Variants in MYOF observed in about 807,000 individuals in gnomAD.
The protein encoded by MYOF is myoferlin.
A neutral mutation model predicts 284.2 loss-of-function variants in MYOF; 244 were observed. The observed-to-expected ratio is 0.86, with a 90% CI of 0.77 to 0.95. The LOEUF (loss-of-function observed/expected upper bound fraction) is 0.95. MYOF is among the 40% of genes least tolerant of loss of function. The pLI, the probability that MYOF is intolerant of heterozygous loss-of-function variation, is 0.00. For missense variants in MYOF, 2,496 were observed against 2,560.6 expected (o/e 0.97, Z 0.54); for synonymous variants, 904 against 919.7 (o/e 0.98, Z 0.31).
At chr10:93,460,826 T>C (rs1350733558) in intron 1 of MYOF, among the ~76,000 whole-genome samples, 1 of 148,548 alleles carries the variant, frequency 6.7e-6, no homozygotes, top group Non-Finnish European at 1.5e-5. Flanking sequence ...CCAGGTGCGG[T>C]GGCTGACACC....
intron 23 of MYOF, among the ~76,000 whole-genome samples, chr10:93,373,431 A>G (rs1845684271): frequency 6.6e-6 from 1 of 152,228 alleles, no homozygotes; most frequent in Non-Finnish European, 1.5e-5. Flanking sequence ...AAAAGGTTAC[A>G]GATTGCATAT....
At chr10:93,360,017 C>T (rs527370788) in intron 28 of MYOF, 39 bp from the exon 29 acceptor site, 6 of 1,612,180 alleles carry the variant, frequency 3.7e-6, no homozygotes, top group African/African-American at 2.7e-5. Flanking sequence ...AGAAGAGATG[C>T]ATTTGCCAGA....
At chr10:93,368,617 T>A (rs1171314846) in intron 25 of MYOF, among the ~76,000 whole-genome samples, 1 of 152,164 alleles carries the variant, frequency 6.6e-6, no homozygotes, top group African/African-American at 2.4e-5. Context: ...GTAGGACAGA[T>A]AAATTGTCAT....
At chr10:93,316,903 CT>C in intron 49 of MYOF, 90 bp from the exon 50 acceptor site, 1 of 981,320 alleles carries the variant, frequency 1.0e-6, no homozygotes, top group Non-Finnish European at 1.6e-6. Context: ...CCTTTCTCTC[CT>C]TTGCACCCCC....
chr10:93,480,667 G>C (rs920437955), intron 1 of MYOF, among the ~76,000 whole-genome samples: 4 of 151,506 alleles, frequency 2.6e-5, no homozygotes, highest in African/African-American at 9.7e-5. Context: ...GTAGAGATGG[G>C]GTTTTGCCAT....
Position 93,397,405 on chromosome 10 carries a change from C to G in MYOF, c.1273G>C (p.Val425Leu), listed in dbSNP as rs771328774. 9.3e-6 allele frequency: 15 copies of G among 1,611,488 alleles called. No individual in the cohort carries two copies. The highest frequency in any genetic ancestry group is 9.3e-6 in the Non-Finnish European group (11 of 1,179,374). Residue 425 changes from valine to leucine, a missense_variant, in exon 14 of 54, where the codon GTC becomes CTC. By Grantham distance (32) the Val-to-Leu change is conservative. Coordinates refer to ENST00000359263, the MANE Select transcript of MYOF (RefSeq NM_013451.4). ...AGTCAAACCTTGATCTGAAGATTGA[C>G]GACCTGATTCCACTCTGGGTTTGCA... ...KNANPEWNQV[V>L]NLQIKFPSVC...
chr10:93,431,324 C>G (rs1053237586), intron 4 of MYOF, 84 bp downstream of exon 4: 3 of 1,180,062 alleles, frequency 2.5e-6, no homozygotes, highest in African/African-American at 3.0e-5. Flanking sequence ...TGAGCCACCA[C>G]GCCCGGCCTT....
Position 93,402,889 on chromosome 10 carries a change from A to G in MYOF, c.845T>C (p.Ile282Thr), listed in dbSNP as rs1204781136. Reference sequence around the variant, plus strand: ...TTCATCATAAACAAATCCAACATCAATCTGGGAAAACAATAATCGAAAGTA... The same window carrying G: ...TTCATCATAAACAAATCCAACATCAGTCTGGGAAAACAATAATCGAAAGTA... ...RADCLMGEFKIDVGFVYDEPG... is the reference protein window; with the variant it reads ...RADCLMGEFKTDVGFVYDEPG... The change falls in exon 10 of 54, where the codon ATT becomes ACT. Residue 282 changes from isoleucine (I) to threonine (T), a missense_variant and splice_region_variant. Physicochemically the swap from Ile to Thr is moderately conservative, Grantham distance 89. Coordinates refer to ENST00000359263, the MANE Select transcript of MYOF (RefSeq NM_013451.4). 8 of 1,611,610 alleles carry G rather than the reference A, an allele frequency of 5.0e-6. No homozygotes were observed. Among genetic ancestry groups the G allele is most frequent in the Non-Finnish European group, 8.5e-7 (1 of 1,177,876 alleles).
In MYOF at chr10:93,462,893, C is replaced by A. The variant is rs1011882756; in HGVS notation, c.89-5956G>T. On this transcript the variant is annotated intron_variant, in intron 1 of 53. Transcript: ENST00000359263. Reference sequence around the variant, plus strand: ...AATTGAATTACAGGAAACTCCCTCCCCTTTCTCCACATTACCTACCCCCCA... The same window carrying A: ...AATTGAATTACAGGAAACTCCCTCCACTTTCTCCACATTACCTACCCCCCA... 2.0e-5 allele frequency among the ~76,000 whole-genome samples: 3 copies of A among 152,052 alleles called. No individual in the cohort carries two copies. In the East Asian group the frequency reaches 5.8e-4, roughly 29 times the overall value.
Position 93,462,852 on chromosome 10 carries a change from C to T in MYOF, c.89-5915G>A, listed in dbSNP as rs2056916807. 2.0e-5 allele frequency among the ~76,000 whole-genome samples: 3 copies of T among 151,966 alleles called. No individual in the cohort carries two copies. The South Asian group carries it at 6.2e-4, about 32-fold the overall frequency. On this transcript the variant is annotated intron_variant, in intron 1 of 53. Coordinates refer to ENST00000359263, the MANE Select transcript of MYOF (RefSeq NM_013451.4). ...AAATAAAAAAAAAAGGTTAAACCTG[C>T]AGGCACTGAACATCAAATTGAATTA...
In MYOF at chr10:93,311,127, ATGAATGAATGAGTGAG is replaced by A. The variant is rs545777197; in HGVS notation, c.5890-500_5890-485del. 2.0e-5 allele frequency among the ~76,000 whole-genome samples: 3 copies of A among 152,332 alleles called. No individual in the cohort carries two copies. In the East Asian group the frequency reaches 5.8e-4, roughly 29 times the overall value. ...TACTCCATGTACACTAGCTCAATAAATGAATGAATGAGTGAGTGAATGAATGTTTTCTCCCTGCTCA... is the reference window on the plus strand; with the variant it reads ...TACTCCATGTACACTAGCTCAATAAATGAATGAATGTTTTCTCCCTGCTCA... On this transcript the variant is annotated intron_variant, in intron 51 of 53. Coordinates refer to ENST00000359263, the MANE Select transcript of MYOF (RefSeq NM_013451.4).
chr10:93,463,381 T>C (rs964315225), intron 1 of MYOF, among the ~76,000 whole-genome samples: 2 of 148,192 alleles, frequency 1.3e-5, no homozygotes, highest in South Asian at 4.3e-4. Context: ...ATAGTGAGAC[T>C]TCGTCTCTAC....
At chr10:93,410,206 A>G (rs1847845334) in intron 5 of MYOF, among the ~76,000 whole-genome samples, 2 of 152,044 alleles carry the variant, frequency 1.3e-5, no homozygotes, top group South Asian at 4.2e-4. Flanking sequence ...CTCCTAATTC[A>G]CAACTGCTCT....
intron 1 of MYOF, among the ~76,000 whole-genome samples, chr10:93,479,663 A>T (rs576527433): frequency 5.6e-4 from 85 of 152,318 alleles, no homozygotes; most frequent in African/African-American, 1.8e-3. Flanking sequence ...ATCATGCCAC[A>T]GCTGAGAAAT....
chr10:93,410,245 T>C (rs1337281520), intron 5 of MYOF, among the ~76,000 whole-genome samples: 1 of 152,084 alleles, frequency 6.6e-6, no homozygotes, highest in East Asian at 1.9e-4. Context: ...AGAGAAACTC[T>C]CCTCATTTTC....
chr10:93,400,568 G>T (rs1014420251), intron 12 of MYOF, among the ~76,000 whole-genome samples: 8 of 152,056 alleles, frequency 5.3e-5, no homozygotes, highest in Admixed American at 2.0e-4. Flanking sequence ...CCCAAGAAAA[G>T]CAGCAAATCC....
At chr10:93,457,606 G>A (rs1451694449) in intron 1 of MYOF, among the ~76,000 whole-genome samples, 1 of 152,196 alleles carries the variant, frequency 6.6e-6, no homozygotes, top group African/African-American at 2.4e-5. Flanking sequence ...AATCCAGCAA[G>A]TGCTTAAAGT....
At position 93,409,538 on chromosome 10, in the gene MYOF, T is replaced by G. The variant is rs1344412746; in HGVS notation, c.600+35A>C. 1.9e-6 allele frequency: 3 copies of G among 1,603,072 alleles called. 1 individual carries two copies. In the African/African-American group the frequency reaches 4.0e-5, roughly 22 times the overall value. On this transcript the variant is annotated intron_variant, in intron 6 of 53. Transcript: ENST00000359263. ...TGCCAGAAGATGGGCAATATAAAGA[T>G]TAAACAAAGAAGCAGAACGCCAGGC...
intron 13 of MYOF, among the ~76,000 whole-genome samples, chr10:93,398,370 C>T (rs1847122285): frequency 6.6e-6 from 1 of 152,174 alleles, no homozygotes; most frequent in Non-Finnish European, 1.5e-5. Context: ...CTTGTCCCTG[C>T]TTTGTTTTCT....
Sources: allele counts gnomAD v4.1 joint callset (sites outside exome capture counted in the v4.1 genomes callset), GRCh38; gene constraint gnomAD v4.1.1; transcripts MANE v1.5; gene names NCBI Gene and HGNC (gene_info 2026-07-23, HGNC 2026-07-21).